RPA1: variants seen among roughly 807,000 people sequenced by gnomAD.
RPA1 encodes the protein replication protein A 70 kDa DNA-binding subunit.
RPA1 carries 49 observed loss-of-function variants against 83.0 expected under a neutral mutation model. The observed-to-expected ratio is 0.59, with a 90% confidence interval of 0.47 to 0.75. The LOEUF is 0.75. Among genes scored for constraint, RPA1 ranks in the 30% least tolerant of loss-of-function variants. The pLI is 0.00. For synonymous variants in RPA1, 279 were observed against 281.8 expected (o/e 0.99, Z 0.10); for missense variants, 693 against 776.1 (o/e 0.89, Z 1.27).
At chr17:1,864,053 T>C (rs1339002889) in intron 5 of RPA1, among the ~76,000 whole-genome samples, 15 of 152,238 alleles carry the variant, frequency 9.9e-5, no homozygotes, top group Admixed American at 3.3e-4. Flanking sequence ...CTGGAAGATG[T>C]TCATGTGGCT....
chr17:1,868,491 C>T (rs1031516317), intron 5 of RPA1, among the ~76,000 whole-genome samples: 3 of 152,150 alleles, frequency 2.0e-5, no homozygotes, highest in Admixed American at 6.5e-5. Context: ...ATTGTCTTGG[C>T]GGGGCACGGT....
rs1455657499 is a variant in RPA1, at chr17:1,842,854, G to A, written c.84+1G>A. ...CATAAAGCCCATCCTCCAAGTCATC[G>A]TAAGTACCTGCGTATGTTATGTTCC... On this transcript the variant is annotated splice_donor_variant, in intron 2 of 16. Coordinates refer to ENST00000254719, the MANE Select transcript of RPA1 (RefSeq NM_002945.5). LOFTEE classifies it high-confidence loss of function. 5 of 1,613,842 alleles carry A rather than the reference G, an allele frequency of 3.1e-6. No individual in the cohort carries two copies. The highest frequency in any genetic ancestry group is 4.2e-6 in the Non-Finnish European group (5 of 1,179,770).
intron 14 of RPA1, among the ~76,000 whole-genome samples, chr17:1,889,781 C>G (rs1449914265): frequency 1.3e-5 from 2 of 152,074 alleles, no homozygotes; most frequent in East Asian, 3.9e-4. Flanking sequence ...GGGTGCGTCA[C>G]CTGAGATCAG....
chr17:1,872,621 T>C, intron 6 of RPA1, 95 bp downstream of exon 6: 3 of 1,516,142 alleles, frequency 2.0e-6, no homozygotes, highest in Non-Finnish European at 2.7e-6. Flanking sequence ...GTTTTCCAAA[T>C]GCCATTCATT....
chr17:1,891,899 C>A lies in RPA1; in HGVS notation c.1618C>A (p.Leu540Ile). 1 of 1,609,012 alleles carries A rather than the reference C, an allele frequency of 6.2e-7. No individual in the cohort carries two copies. The highest frequency in any genetic ancestry group is 8.5e-7 in the Non-Finnish European group (1 of 1,176,086). Reference protein sequence around the residue: ...TCFQESAEAILGQNAAYLGEL... With the variant: ...TCFQESAEAIIGQNAAYLGEL... ...TTTCCAGGAGTCTGCTGAAGCTATC[C>A]TTGGACAAAATGCTGCTTATCTTGG... Residue 540 changes from leucine (L) to isoleucine (I), a missense_variant, in exon 15 of 17, where the codon CTT becomes ATT. Physicochemically the swap from Leu to Ile is conservative, Grantham distance 5. Transcript: ENST00000254719.
chr17:1,872,259 G>T lies in RPA1; in HGVS notation c.362-175G>T. On this transcript the variant is annotated intron_variant, in intron 5 of 16. Transcript: ENST00000254719. ...CTTTTGTGTAATGAAAACAAAAAGT[G>T]AACCCCTAGCAAATTCACCGAGTGC... 5.4e-6 allele frequency: 5 copies of T among 925,566 alleles called. No individual in the cohort carries two copies. In the South Asian group the frequency reaches 8.9e-5, roughly 17 times the overall value. 57.3% of individuals were successfully genotyped at this position (925,566 alleles called of 1,614,324 possible).
At chr17:1,855,270 C>G (rs1442419030) in intron 5 of RPA1, among the ~76,000 whole-genome samples, 1 of 152,000 alleles carries the variant, frequency 6.6e-6, no homozygotes, top group Non-Finnish European at 1.5e-5. Context: ...TCAAGTGATT[C>G]TCGTGCCTCA....
At chr17:1,838,419 C>T (rs1377096143) in intron 1 of RPA1, among the ~76,000 whole-genome samples, 4 of 152,004 alleles carry the variant, frequency 2.6e-5, no homozygotes, top group Non-Finnish European at 5.9e-5. Context: ...GCCTGACCAA[C>T]ATGGAGAAAT....
At chr17:1,842,670 C>A in intron 1 of RPA1, 133 bp from the exon 2 acceptor site, 1 of 701,170 alleles carries the variant, frequency 1.4e-6, no homozygotes, top group Non-Finnish European at 2.5e-6. Context: ...AAACTAGATG[C>A]TTCAGCTGAC....
intron 1 of RPA1, among the ~76,000 whole-genome samples, chr17:1,837,114 G>A (rs548057137): frequency 6.6e-6 from 1 of 152,212 alleles, no homozygotes; most frequent in Non-Finnish European, 1.5e-5. Flanking sequence ...GGGATTACAG[G>A]TGTGAGCCAC....
intron 5 of RPA1, among the ~76,000 whole-genome samples, chr17:1,853,986 T>G (rs1912596363): frequency 6.6e-6 from 1 of 152,230 alleles, no homozygotes; most frequent in African/African-American, 2.4e-5. Context: ...TGGCGTTTAG[T>G]AAGTATTTGT....
intron 12 of RPA1, 117 bp downstream of exon 12, chr17:1,880,808 C>T (rs1334061544): frequency 1.4e-6 from 2 of 1,392,338 alleles, no homozygotes; most frequent in Admixed American, 4.0e-5. Context: ...AGTGGTGCAG[C>T]TTCCGTGTTT....
At chr17:1,891,213 C>T (rs1418622730) in intron 14 of RPA1, among the ~76,000 whole-genome samples, 1 of 152,192 alleles carries the variant, frequency 6.6e-6, no homozygotes, top group Middle Eastern at 3.2e-3. Context: ...TACACCACAG[C>T]CCAGTGGGAG....
At chr17:1,874,032 T>TATATATATACACACACAC (rs1171343408) in intron 6 of RPA1, among the ~76,000 whole-genome samples, 1 of 79,258 alleles carries the variant, frequency 1.3e-5, no homozygotes, top group African/African-American at 6.3e-5. Context: ...TATATATATA[T>TATATATATACACACACAC]ACACACACAC....
In RPA1 at chr17:1,899,861, A is replaced by G. The variant is rs1009241853; in HGVS notation, c.*2686A>G. Reference sequence around the variant, plus strand: ...TCTTTTCACCTGTTAGAAGGCCACTATTCCCCTAGTAAACTGATTGTTTCC... The same window carrying G: ...TCTTTTCACCTGTTAGAAGGCCACTGTTCCCCTAGTAAACTGATTGTTTCC... On this transcript the variant is annotated 3_prime_UTR_variant, in exon 17 of 17. Transcript: ENST00000254719. 1 of 152,126 alleles carries G rather than the reference A, an allele frequency of 6.6e-6. No individual in the cohort carries two copies. The highest frequency in any genetic ancestry group is 1.5e-5 in the Non-Finnish European group (1 of 68,034). The allele number at this position is 152,126 out of a possible 1,614,324, so 9.4% of individuals were successfully genotyped here.
At chr17:1,849,584 A>G (rs367822129) in intron 4 of RPA1, among the ~76,000 whole-genome samples, 1 of 145,422 alleles carries the variant, frequency 6.9e-6, no homozygotes, top group Non-Finnish European at 1.5e-5. Flanking sequence ...GAGCCACCGC[A>G]CCCGGCATTC....
In RPA1 at chr17:1,857,787, C is replaced by T. The variant is rs574219193; in HGVS notation, c.361+4598C>T. ...GGAGAGAGAATAACTGCTTCTAGGC[C>T]GAGAGTAGGCAAGCTGTGGGCAAAA... On this transcript the variant is annotated intron_variant, in intron 5 of 16. Coordinates refer to ENST00000254719, the MANE Select transcript of RPA1 (RefSeq NM_002945.5). Among the ~76,000 whole-genome samples, 1,379 of 142,568 alleles carry T rather than the reference C, an allele frequency of 9.7e-3. 31 individuals carry two copies. The highest frequency in any genetic ancestry group is 0.033 in the African/African-American group (1,288 of 38,864). 93.5% of individuals were successfully genotyped at this position (142,568 alleles called of 152,430 possible). A position where few individuals can be genotyped will look rare whatever the true frequency, so the allele number is the denominator to read the frequency against.
rs1320229367 is a variant in RPA1 at position 1,884,715 on chromosome 17, G to A, written c.1374+771G>A. Among the ~76,000 whole-genome samples the A allele has an allele frequency of 1.3e-5, 2 of 152,044 alleles. No individual in the cohort carries two copies. The highest frequency in any genetic ancestry group is 2.9e-5 in the Non-Finnish European group (2 of 68,018). On this transcript the variant is annotated intron_variant, in intron 13 of 16. Transcript: ENST00000254719. The surrounding 1 kb of genome is among the most constrained non-coding windows in gnomAD (Gnocchi z 4.1). ...AGAATTAAACACTGGACAGATCCTC[G>A]TTGTCCTGTCATGGGACACCCACTC... is the stretch of plus-strand genomic sequence containing the variant.
chr17:1,846,783 T>C (rs1912278980), intron 4 of RPA1, among the ~76,000 whole-genome samples: 1 of 152,216 alleles, frequency 6.6e-6, no homozygotes, highest in Non-Finnish European at 1.5e-5. Context: ...GATCTCCGCA[T>C]AGGTCTTTAC....
Sources: gnomAD v4.1 joint callset for allele counts (sites outside exome capture counted in the v4.1 genomes callset) on GRCh38, gnomAD v4.1.1 for gene constraint, Gnocchi (gnomAD v3.1) non-coding constraint, MANE v1.5 for transcripts, NCBI Gene and HGNC (gene_info 2026-07-23, HGNC 2026-07-21) for gene names.